Variants in CNTN4 observed in about 807,000 individuals in gnomAD.
CNTN4 encodes the protein contactin-4.
A neutral mutation model predicts 122.5 loss-of-function variants in CNTN4; 77 were observed. That is an observed-to-expected ratio of 0.63 (90% CI 0.52 to 0.76). The LOEUF is 0.76. CNTN4 is among the 30% of genes least tolerant of loss of function. The pLI is 0.00. For synonymous variants in CNTN4, 512 were observed against 447.0 expected, an observed-to-expected ratio of 1.15 and a Z score of -1.83; for missense variants, 1,256 against 1,259.1, an observed-to-expected ratio of 1.00 and a Z score of 0.04.
chr3:2,997,195 T>C (rs1469347568), intron 14 of CNTN4, among the ~76,000 whole-genome samples: 1 of 152,240 alleles, frequency 6.6e-6, no homozygotes, highest in South Asian at 2.1e-4. Flanking sequence ...AAAAGAAAAC[T>C]TAGGCACTTT....
At chr3:2,368,018 C>A (rs183370321) in intron 3 of CNTN4, among the ~76,000 whole-genome samples, 9 of 147,540 alleles carry the variant, frequency 6.1e-5, no homozygotes, top group African/African-American at 1.8e-4. Context: ...CCAAATACAG[C>A]TAGAAAACTT....
chr3:2,737,148 T>C, intron 5 of CNTN4, among the ~76,000 whole-genome samples: 1 of 151,710 alleles, frequency 6.6e-6, no homozygotes. Flanking sequence ...TGGCTCAGTC[T>C]TGGCTCACTA....
chr3:2,283,200 T>G (rs2041783167), intron 2 of CNTN4, among the ~76,000 whole-genome samples: 1 of 151,956 alleles, frequency 6.6e-6, no homozygotes, highest in South Asian at 2.1e-4. Context: ...AAACAGAGAG[T>G]ACAAAGATCA....
chr3:2,243,066 T>C (rs2040005845), intron 2 of CNTN4, among the ~76,000 whole-genome samples: 1 of 152,094 alleles, frequency 6.6e-6, no homozygotes, highest in Admixed American at 6.6e-5. Flanking sequence ...TCATCTCAGC[T>C]CTCCATGCTT....
chr3:2,163,181 A>G (rs1026697791), intron 2 of CNTN4, among the ~76,000 whole-genome samples: 1 of 152,218 alleles, frequency 6.6e-6, no homozygotes, highest in African/African-American at 2.4e-5. Flanking sequence ...CAGAATAGGG[A>G]ACCCAGAAAT....
intron 3 of CNTN4, among the ~76,000 whole-genome samples, chr3:2,534,958 C>A (rs1045785611): frequency 6.6e-6 from 1 of 151,758 alleles, no homozygotes; most frequent in Non-Finnish European, 1.5e-5. Flanking sequence ...TTTCATATCG[C>A]CTGTTCTATC....
intron 3 of CNTN4, among the ~76,000 whole-genome samples, chr3:2,544,153 A>AC (rs1187057852): frequency 4.6e-5 from 7 of 152,138 alleles, no homozygotes; most frequent in Non-Finnish European, 8.8e-5. Context: ...TCTTTCTCAG[A>AC]CCCCACGTGC....
At chr3:2,947,610 T>A (rs1318829687) in intron 13 of CNTN4, among the ~76,000 whole-genome samples, 1 of 152,228 alleles carries the variant, frequency 6.6e-6, no homozygotes, top group Non-Finnish European at 1.5e-5. Flanking sequence ...TCTACTCTTG[T>A]TATTTTTTGG....
chr3:2,348,182 T>C (rs181322276), intron 3 of CNTN4, among the ~76,000 whole-genome samples: 2 of 152,228 alleles, frequency 1.3e-5, no homozygotes, highest in Non-Finnish European at 2.9e-5. Context: ...AGGTCACATA[T>C]CAGTTTTTGT....
intron 3 of CNTN4, among the ~76,000 whole-genome samples, chr3:2,381,439 C>T (rs1234053000): frequency 6.6e-6 from 1 of 152,186 alleles, no homozygotes. Flanking sequence ...TCACCTTCTG[C>T]ACTTAGGTCT....
chr3:2,497,852 C>T (rs1187758811), intron 3 of CNTN4, among the ~76,000 whole-genome samples: 2 of 152,054 alleles, frequency 1.3e-5, no homozygotes, highest in Admixed American at 1.3e-4. Context: ...TCATAATTGT[C>T]ATGTTTGTCT....
chr3:2,406,054 GA>G (rs962964450), intron 3 of CNTN4, among the ~76,000 whole-genome samples: 64 of 146,790 alleles, frequency 4.4e-4, no homozygotes, highest in Middle Eastern at 3.6e-3. Context: ...CAGGGAAAGA[GA>G]AAAAAAAAAC....
chr3:2,597,567 T>C (rs1287094220), intron 4 of CNTN4, among the ~76,000 whole-genome samples: 2 of 152,102 alleles, frequency 1.3e-5, no homozygotes, highest in Non-Finnish European at 2.9e-5. Context: ...AACCCAGCTG[T>C]TCCCCAGGAA....
chr3:2,354,097 A>C, intron 3 of CNTN4, among the ~76,000 whole-genome samples: 1 of 152,226 alleles, frequency 6.6e-6, no homozygotes, highest in South Asian at 2.1e-4. Flanking sequence ...TTGATTAAAA[A>C]CACGTAAGTT....
intron 13 of CNTN4, among the ~76,000 whole-genome samples, chr3:2,978,657 C>T (rs553428613): frequency 2.6e-5 from 4 of 152,298 alleles, no homozygotes; most frequent in African/African-American, 4.8e-5. Flanking sequence ...CTATTAATGA[C>T]AGGCTCGCTG....
At chr3:2,332,742 G>A in intron 2 of CNTN4, among the ~76,000 whole-genome samples, 1 of 136,372 alleles carries the variant, frequency 7.3e-6, no homozygotes, top group African/African-American at 2.7e-5. Flanking sequence ...GAGTGGGGAG[G>A]GGGGAGGGAT....
chr3:2,462,845 A>G (rs796891708), intron 3 of CNTN4, among the ~76,000 whole-genome samples: 1 of 152,218 alleles, frequency 6.6e-6, no homozygotes, highest in Non-Finnish European at 1.5e-5. Context: ...TCCAAGCAAA[A>G]GAAATTTCCT....
intron 4 of CNTN4, among the ~76,000 whole-genome samples, chr3:2,627,669 A>T (rs1462097309): frequency 6.6e-6 from 1 of 151,362 alleles, no homozygotes; most frequent in African/African-American, 2.4e-5. Context: ...AATTTTTTGT[A>T]TTTTTAGTAG....
intron 3 of CNTN4, among the ~76,000 whole-genome samples, chr3:2,486,994 A>T (rs1273407352): frequency 3.3e-5 from 5 of 152,210 alleles, no homozygotes; most frequent in Non-Finnish European, 5.9e-5. Context: ...TATATAAATC[A>T]CATAGAAATT....
Sources: gnomAD v4.1 joint callset for allele counts (sites outside exome capture counted in the v4.1 genomes callset) on GRCh38, gnomAD v4.1.1 for gene constraint, MANE v1.5 for transcripts, NCBI Gene and HGNC (gene_info 2026-07-23, HGNC 2026-07-21) for gene names.